WWC1: variants seen among roughly 807,000 people sequenced by gnomAD.
WWC1 encodes protein KIBRA.
In WWC1, 55 loss-of-function variants were observed where a neutral mutation model predicts 138.4. The observed-to-expected ratio is 0.40, with a 90% CI of 0.32 to 0.50. The LOEUF is 0.50. WWC1 is among the 20% of genes least tolerant of loss of function. The pLI is 0.72. For synonymous variants in WWC1, 524 were observed against 564.9 expected, an observed-to-expected ratio of 0.93 and a Z score of 1.03; for missense variants, 1,226 against 1,420.4, an observed-to-expected ratio of 0.86 and a Z score of 2.20.
intron 7 of WWC1, 100 bp from the exon 8 acceptor site, chr5:168,409,822 C>T: frequency 8.1e-7 from 1 of 1,238,412 alleles, no homozygotes; most frequent in Non-Finnish European, 1.2e-6. Context: ...TTCTTGGCTA[C>T]TGCCCACGCA....
intron 20 of WWC1, among the ~76,000 whole-genome samples, chr5:168,463,956 C>G (rs1302913962): frequency 1.3e-5 from 2 of 152,152 alleles, no homozygotes; most frequent in Non-Finnish European, 2.9e-5. Flanking sequence ...GACATTGTCT[C>G]TTTTCCAAGT....
chr5:168,400,819 TGAGA>T lies in WWC1; in HGVS notation c.590+1271_590+1274del, dbSNP rs150418543. ...AAAGTGAGACCCTGTCTTGAAAGAA[TGAGA>T]GAGAGAGAGAGAGAGAGAAGGGGAG... is the stretch of plus-strand genomic sequence containing the variant. On this transcript the variant is annotated intron_variant, in intron 5 of 22. Transcript: ENST00000265293. 6.1e-3 allele frequency among the ~76,000 whole-genome samples: 630 copies of T among 103,220 alleles called. 1 individual carries two copies. The highest frequency in any genetic ancestry group is 0.021 in the African/African-American group (586 of 27,746). 67.7% of individuals were successfully genotyped at this position (103,220 alleles called of 152,430 possible).
chr5:168,400,132 G>A (rs1779200766), intron 5 of WWC1, among the ~76,000 whole-genome samples: 1 of 148,684 alleles, frequency 6.7e-6, no homozygotes, highest in South Asian at 2.2e-4. Flanking sequence ...TAGAAGCTGA[G>A]CTGTGGCCAG....
At chr5:168,394,497 G>A (rs1412050578) in intron 3 of WWC1, among the ~76,000 whole-genome samples, 7 of 152,098 alleles carry the variant, frequency 4.6e-5, no homozygotes, top group African/African-American at 7.2e-5. Context: ...GGGCCGAGGC[G>A]GGTGGACCAC....
At chr5:168,308,989 C>T (rs1770816473) in intron 1 of WWC1, among the ~76,000 whole-genome samples, 1 of 152,138 alleles carries the variant, frequency 6.6e-6, no homozygotes, top group Non-Finnish European at 1.5e-5. Context: ...CATCCACTGC[C>T]TCCACTGCCC....
At chr5:168,355,913 CAA>C (rs1775368631) in intron 1 of WWC1, among the ~76,000 whole-genome samples, 1 of 66,198 alleles carries the variant, frequency 1.5e-5, no homozygotes, top group Admixed American at 1.7e-4. Flanking sequence ...AGGGAAGGAA[CAA>C]GAGAGAGAAA....
chr5:168,344,013 CTG>C (rs1774265447), intron 1 of WWC1, among the ~76,000 whole-genome samples: 1 of 152,096 alleles, frequency 6.6e-6, no homozygotes, highest in South Asian at 2.1e-4. Context: ...ATCTGAACCA[CTG>C]TAGCTGACAA....
At chr5:168,333,091 G>A (rs1318253412) in intron 1 of WWC1, among the ~76,000 whole-genome samples, 2 of 152,190 alleles carry the variant, frequency 1.3e-5, no homozygotes, top group Non-Finnish European at 2.9e-5. Flanking sequence ...AGCATCTCTG[G>A]GGATGGCACC....
At chr5:168,374,423 G>C (rs949417959) in intron 2 of WWC1, among the ~76,000 whole-genome samples, 3 of 144,286 alleles carry the variant, frequency 2.1e-5, no homozygotes, top group Non-Finnish European at 4.6e-5. Flanking sequence ...GAGACAATGA[G>C]ATTTGAGCTA....
intron 1 of WWC1, among the ~76,000 whole-genome samples, chr5:168,327,033 C>A (rs1374935271): frequency 6.6e-6 from 1 of 152,190 alleles, no homozygotes; most frequent in Non-Finnish European, 1.5e-5. Flanking sequence ...GGTGTCATTT[C>A]TTGCTTTGGT....
intron 19 of WWC1, among the ~76,000 whole-genome samples, chr5:168,456,693 C>T (rs369476764): frequency 1.5e-4 from 15 of 100,990 alleles, no homozygotes; most frequent in Middle Eastern, 5.0e-3. Flanking sequence ...GATAATGCTC[C>T]GCCAATTTTT....
In WWC1 at chr5:168,430,217, A is replaced by G; in HGVS notation, c.2081A>G (p.Gln694Arg). The G allele has an allele frequency of 6.2e-7, 1 of 1,613,368 alleles. No homozygotes were observed. Among genetic ancestry groups the G allele is most frequent in the African/African-American group, 1.3e-5 (1 of 75,068 alleles). ...NLSALLQQQDQKVNIRVAVLP... is the reference protein window; with the variant it reads ...NLSALLQQQDRKVNIRVAVLP... ...TCTGCTCTGTTGCAGCAACAAGACC[A>G]GAAAGTGTGAGTATGTAGCTGGACA... Residue 694 changes from glutamine (Q) to arginine (R), a missense_variant, in exon 14 of 23, where the codon CAG (glutamine) becomes CGG (arginine). Coordinates refer to ENST00000265293, the MANE Select transcript of WWC1 (RefSeq NM_015238.3).
intron 1 of WWC1, among the ~76,000 whole-genome samples, chr5:168,328,276 G>A (rs577492745): frequency 1.7e-4 from 26 of 152,308 alleles, no homozygotes; most frequent in Non-Finnish European, 3.5e-4. Flanking sequence ...AAAGAAGTCA[G>A]CAGGGGCTAG....
chr5:168,374,311 G>A (rs987113104), intron 2 of WWC1, among the ~76,000 whole-genome samples: 3 of 152,128 alleles, frequency 2.0e-5, no homozygotes, highest in Admixed American at 6.6e-5. Flanking sequence ...GAGCAAAGTC[G>A]GGAGCTGAGG....
intron 1 of WWC1, among the ~76,000 whole-genome samples, chr5:168,326,683 T>C (rs939282502): frequency 1.3e-5 from 2 of 151,970 alleles, no homozygotes; most frequent in African/African-American, 4.8e-5. Context: ...TAGCTGGGAT[T>C]ACAGGCACGC....
At chr5:168,386,176 ACT>A (rs1778030006) in intron 3 of WWC1, among the ~76,000 whole-genome samples, 1 of 151,660 alleles carries the variant, frequency 6.6e-6, no homozygotes. Context: ...TGCTCGGACA[ACT>A]CTATCAGAAG....
chr5:168,387,723 A>T (rs1778150982), intron 3 of WWC1, among the ~76,000 whole-genome samples: 1 of 152,138 alleles, frequency 6.6e-6, no homozygotes, highest in Admixed American at 6.5e-5. Context: ...TCAAGACCTC[A>T]TTTAAGCCTG....
At chr5:168,329,233 T>G (rs1245031388) in intron 1 of WWC1, among the ~76,000 whole-genome samples, 1 of 152,210 alleles carries the variant, frequency 6.6e-6, no homozygotes. Flanking sequence ...TAGTTTTGTA[T>G]GATTCTTAGG....
chr5:168,404,559 C>T lies in WWC1; in HGVS notation c.591-1639C>T, dbSNP rs183698269. 7.9e-4 allele frequency among the ~76,000 whole-genome samples: 121 copies of T among 152,248 alleles called. 1 individual carries two copies. Among genetic ancestry groups the T allele is most frequent in the Non-Finnish European group, 1.4e-3 (92 of 68,012 alleles). On this transcript the variant is annotated intron_variant, in intron 5 of 22. Transcript: ENST00000265293. The stretch of plus-strand genomic sequence containing the variant: ...TGCTTGGAGGCGCAGACGATGAGGC[C>T]GGGATGAAAACTTGCTTCTGCTCAG...
Sources: allele counts gnomAD v4.1 joint callset (sites outside exome capture counted in the v4.1 genomes callset), GRCh38; gene constraint gnomAD v4.1.1; transcripts MANE v1.5; gene names NCBI Gene and HGNC (gene_info 2026-07-23, HGNC 2026-07-21).